Variants in ARPP21 observed in about 807,000 individuals in gnomAD.
The protein encoded by ARPP21 is cAMP-regulated phosphoprotein 21.
ARPP21 carries 69 observed loss-of-function variants against 113.2 expected under a neutral mutation model. That is an observed-to-expected ratio of 0.61 (90% CI 0.50 to 0.74). The LOEUF is 0.74. Ranked by LOEUF, ARPP21 falls within the 30% of genes least tolerant of loss-of-function variation. The pLI is 0.00. For missense variants in ARPP21, 1,070 were observed against 1,037.4 expected (o/e 1.03, Z -0.43); for synonymous variants, 368 against 375.5 (o/e 0.98, Z 0.23).
At chr3:35,710,121 A>G (rs2090566019) in intron 11 of ARPP21, among the ~76,000 whole-genome samples, 1 of 151,606 alleles carries the variant, frequency 6.6e-6, no homozygotes, top group African/African-American at 2.4e-5. Context: ...GCCCCCTACA[A>G]CCCCCGCCAC....
chr3:35,687,807 C>G lies in ARPP21; in HGVS notation c.330C>G (p.Asp110Glu). Residue 110 changes from aspartate (D) to glutamate (E), a missense_variant, in exon 6 of 21, where the codon GAC becomes GAG. Physicochemically the swap from Asp to Glu is conservative, Grantham distance 45. Transcript: ENST00000684406. ...LQEEDKSRKD[D>E]SEREKEKDKN... is the part of the protein sequence containing the mutation. ...AGGAGGATAAATCTAGGAAAGATGA[C>G]TCTGAAAGAGAAAAAGAAAAGGATA... is the stretch of plus-strand genomic sequence containing the variant. The G allele has an allele frequency of 6.2e-7, 1 of 1,605,114 alleles. No homozygotes were observed. Among genetic ancestry groups the G allele is most frequent in the South Asian group, 1.1e-5 (1 of 89,660 alleles).
chr3:35,681,422 G>A (rs2078889392), intron 2 of ARPP21: 1 of 215,752 alleles, frequency 4.6e-6, no homozygotes, highest in Admixed American at 5.2e-5. Flanking sequence ...CTCTGTAGTG[G>A]AGAATGGGGA....
At chr3:35,761,203 G>T (rs111981829) in intron 19 of ARPP21, among the ~76,000 whole-genome samples, 1 of 152,032 alleles carries the variant, frequency 6.6e-6, no homozygotes, top group Non-Finnish European at 1.5e-5. Flanking sequence ...GTTTTCAAAG[G>T]CATCTAGGTT....
intron 6 of ARPP21, 88 bp from the exon 7 acceptor site, chr3:35,689,218 CA>C (rs2081520142): frequency 5.4e-6 from 4 of 737,988 alleles, no homozygotes; most frequent in Admixed American, 2.1e-5. Flanking sequence ...TTTATCTGAG[CA>C]GGGGGAAACA....
chr3:35,675,743 TG>T (rs2077314696), intron 1 of ARPP21, among the ~76,000 whole-genome samples: 1 of 151,830 alleles, frequency 6.6e-6, no homozygotes, highest in Non-Finnish European at 1.5e-5. Flanking sequence ...ATTCTTGCCG[TG>T]TCCACATTGG....
rs373168905 is a variant in ARPP21, at chr3:35,732,194, G to C, written c.1459+2658G>C. On this transcript the variant is annotated intron_variant, in intron 15 of 20. Coordinates refer to ENST00000684406, the MANE Select transcript of ARPP21 (RefSeq NM_001385562.1). ...ACAAGTAATGATTTAAAAATACTAA[G>C]GTATCTGCCAATCATGTGCCTACTA... Among the ~76,000 whole-genome samples, 133 of 151,940 alleles carry C rather than the reference G, an allele frequency of 8.8e-4. 1 individual carries two copies. The highest frequency in any genetic ancestry group is 3.0e-3 in the African/African-American group (126 of 41,338).
chr3:35,678,799 C>T (rs1390635773), intron 1 of ARPP21: 1 of 151,938 alleles, frequency 6.6e-6, no homozygotes, highest in East Asian at 1.9e-4. Flanking sequence ...GGGTTTCTAA[C>T]TCTCAAACTA....
chr3:35,645,720 T>C (rs1252116538), intron 1 of ARPP21, among the ~76,000 whole-genome samples: 1 of 151,988 alleles, frequency 6.6e-6, no homozygotes, highest in African/African-American at 2.4e-5. Context: ...TTCTTTATTA[T>C]ACACTAAATA....
intron 19 of ARPP21, among the ~76,000 whole-genome samples, chr3:35,773,978 G>C (rs1295247717): frequency 6.6e-6 from 1 of 152,190 alleles, no homozygotes; most frequent in Non-Finnish European, 1.5e-5. Context: ...TTGTAAGGCA[G>C]TGACTGTGTC....
chr3:35,642,459 A>C (rs888118821), intron 1 of ARPP21: 18 of 152,206 alleles, frequency 1.2e-4, no homozygotes, highest in African/African-American at 4.3e-4. Flanking sequence ...CTAATATATC[A>C]TATGAATGGA....
chr3:35,655,776 G>T (rs898938966), intron 1 of ARPP21, among the ~76,000 whole-genome samples: 3 of 152,012 alleles, frequency 2.0e-5, no homozygotes, highest in Admixed American at 2.0e-4. Flanking sequence ...TATCACATAG[G>T]AGAGTTATTT....
At chr3:35,697,067 C>G (rs945967251) in intron 9 of ARPP21, among the ~76,000 whole-genome samples, 2 of 151,588 alleles carry the variant, frequency 1.3e-5, no homozygotes, top group African/African-American at 4.8e-5. Context: ...CAGCCACAGG[C>G]AATGAGAATC....
chr3:35,792,250 C>T (rs972289523), intron 19 of ARPP21, 132 bp from the exon 20 acceptor site: 2 of 721,596 alleles, frequency 2.8e-6, no homozygotes, highest in Non-Finnish European at 4.7e-6. Context: ...AGGGAATAAA[C>T]ATCTGATAAC....
At chr3:35,739,752 T>C (rs1434328947) in intron 18 of ARPP21, among the ~76,000 whole-genome samples, 175 bp downstream of exon 18, 2 of 152,222 alleles carry the variant, frequency 1.3e-5, no homozygotes, top group East Asian at 1.9e-4. Context: ...TTCAAAGTTA[T>C]AGGGCTCAGA....
At position 35,793,805 on chromosome 3, in the gene ARPP21, G is replaced by A. The variant is rs1209899752; in HGVS notation, c.2391G>A (p.Met797Ile). 5 of 1,614,016 alleles carry A rather than the reference G, an allele frequency of 3.1e-6. No individual in the cohort carries two copies. In the Admixed American group the frequency reaches 5.0e-5, roughly 16 times the overall value. Residue 797 changes from methionine (M) to isoleucine (I), a missense_variant, in exon 21 of 21, where the codon ATG becomes ATA. By Grantham distance (10) the Met-to-Ile change is conservative. Transcript: ENST00000684406. ...AGQGSLPATG[M>I]PVYCNVTPPT... ...AAGGGTCACTCCCAGCCACTGGAATGCCTGTTTACTGTAATGTCACACCGC... is the reference window on the plus strand; with the variant it reads ...AAGGGTCACTCCCAGCCACTGGAATACCTGTTTACTGTAATGTCACACCGC...
chr3:35,721,589 G>T lies in ARPP21; in HGVS notation c.996-16G>T, dbSNP rs746306214. On this transcript the variant is annotated splice_polypyrimidine_tract_variant and intron_variant, in intron 13 of 20. Coordinates refer to ENST00000684406, the MANE Select transcript of ARPP21 (RefSeq NM_001385562.1). ...TAATCCTGTCCCTGTGCATCTTTCT[G>T]GTGGTCGTACTCCAGGGGCAACAGA... is the stretch of plus-strand genomic sequence containing the variant. 87 of 1,444,490 alleles carry T rather than the reference G, an allele frequency of 6.0e-5. No homozygotes were observed. The highest frequency in any genetic ancestry group is 4.7e-4 in the Admixed American group (28 of 59,362). The allele number at this position is 1,444,490 out of a possible 1,614,324, so 89.5% of individuals were successfully genotyped here. A position where few individuals can be genotyped will look rare whatever the true frequency, so the allele number is the denominator to read the frequency against.
At chr3:35,746,834 C>A (rs1185806975) in intron 19 of ARPP21, among the ~76,000 whole-genome samples, 1 of 152,174 alleles carries the variant, frequency 6.6e-6, no homozygotes, top group East Asian at 1.9e-4. Flanking sequence ...TCAGTTACTA[C>A]ATCTTTCCTA....
intron 14 of ARPP21, among the ~76,000 whole-genome samples, chr3:35,722,143 T>A (rs1019101907): frequency 6.6e-6 from 1 of 152,190 alleles, no homozygotes; most frequent in Admixed American, 6.5e-5. Flanking sequence ...GTTTACTTAT[T>A]TAAGTTTACT....
chr3:35,759,025 T>C (rs1409518561), intron 19 of ARPP21, among the ~76,000 whole-genome samples: 1 of 152,056 alleles, frequency 6.6e-6, no homozygotes, highest in Admixed American at 6.6e-5. Flanking sequence ...CAGGAGGCAA[T>C]GACATGTTTA....
Sources: gnomAD v4.1 joint callset for allele counts (sites outside exome capture counted in the v4.1 genomes callset) on GRCh38, gnomAD v4.1.1 for gene constraint, MANE v1.5 for transcripts, NCBI Gene and HGNC (gene_info 2026-07-23, HGNC 2026-07-21) for gene names.